Variants in MAF observed in about 807,000 individuals in gnomAD.
MAF encodes the protein MAF bZIP transcription factor, also known as transcription factor Maf.
MAF carries 10 observed loss-of-function variants against 22.0 expected under a neutral mutation model. The ratio of observed to expected loss-of-function variants is 0.45; its 90% confidence interval spans 0.28 to 0.77. The LOEUF (loss-of-function observed/expected upper bound fraction) is 0.77. Ranked by LOEUF, MAF falls within the 30% of genes least tolerant of loss-of-function variation. MAF has a pLI of 0.12. For synonymous variants in MAF, 337 were observed against 255.8 expected (o/e 1.32, Z -3.03); for missense variants, 544 against 548.4 (o/e 0.99, Z 0.08).
At chr16:79,371,340 A>C in the MAF span, among the ~76,000 whole-genome samples, 1 of 152,172 alleles carries the variant, frequency 6.6e-6, no homozygotes, top group Non-Finnish European at 1.5e-5. Flanking sequence ...GCCATATTGT[A>C]CTAGTCAAAG....
chr16:79,210,302 C>A, the MAF span, among the ~76,000 whole-genome samples: 3 of 152,180 alleles, frequency 2.0e-5, no homozygotes, highest in South Asian at 4.1e-4. Flanking sequence ...GTAACACCTT[C>A]CTTGGGACCC....
chr16:79,403,100 A>G, the MAF span, among the ~76,000 whole-genome samples: 11 of 152,274 alleles, frequency 7.2e-5, no homozygotes, highest in South Asian at 1.5e-3. Flanking sequence ...CAGTTCTCTT[A>G]TCTGTGAAAT....
At chr16:79,418,484 G>A in the MAF span, among the ~76,000 whole-genome samples, 92,194 of 151,974 alleles carry the variant, frequency 0.61, 28,798 homozygotes, top group East Asian at 0.89. Flanking sequence ...TGCGCTGGGA[G>A]TTCTTCCGAT....
chr16:79,233,611 G>A, the MAF span, among the ~76,000 whole-genome samples: 1 of 152,074 alleles, frequency 6.6e-6, no homozygotes, highest in Non-Finnish European at 1.5e-5. Context: ...AACCAGCTCT[G>A]TCCCACTGGG....
the MAF span, among the ~76,000 whole-genome samples, chr16:79,526,496 G>T: frequency 2.6e-5 from 4 of 152,156 alleles, no homozygotes; most frequent in Non-Finnish European, 4.4e-5. Context: ...AAAGGTCAGT[G>T]GCTGGGGGTT....
the MAF span, among the ~76,000 whole-genome samples, chr16:79,366,719 T>A: frequency 6.6e-6 from 1 of 152,208 alleles, no homozygotes; most frequent in African/African-American, 2.4e-5. Context: ...GGGTTCTCCA[T>A]CAGTCTGGGT....
the MAF span, among the ~76,000 whole-genome samples, chr16:79,435,598 G>A: frequency 6.6e-6 from 1 of 152,132 alleles, no homozygotes; most frequent in Admixed American, 6.5e-5. Context: ...TCAGGAAGCT[G>A]GAACTGTCTG....
the MAF span, among the ~76,000 whole-genome samples, chr16:79,237,563 C>T: frequency 6.6e-6 from 1 of 152,062 alleles, no homozygotes. Context: ...ACCTCCTGGC[C>T]TTTCAGAGTA....
chr16:79,247,216 G>C, the MAF span, among the ~76,000 whole-genome samples: 30 of 152,324 alleles, frequency 2.0e-4, 1 homozygote, highest in African/African-American at 7.0e-4. Context: ...TCAGAGGCAA[G>C]AATGAGCCTG....
chr16:79,530,015 G>C, the MAF span, among the ~76,000 whole-genome samples: 3 of 152,070 alleles, frequency 2.0e-5, no homozygotes, highest in Non-Finnish European at 4.4e-5. Flanking sequence ...ATGATGCAAG[G>C]TTTGTTTATC....
chr16:79,293,705 A>T, the MAF span, among the ~76,000 whole-genome samples: 1 of 152,182 alleles, frequency 6.6e-6, no homozygotes, highest in Non-Finnish European at 1.5e-5. Flanking sequence ...TTCACCTAGT[A>T]GAAATTGTGC....
chr16:79,513,455 G>A, the MAF span, among the ~76,000 whole-genome samples: 1 of 152,218 alleles, frequency 6.6e-6, no homozygotes, highest in Non-Finnish European at 1.5e-5. Flanking sequence ...TTCCTAAGCT[G>A]CTCCTGGAGC....
chr16:79,269,832 C>A, the MAF span, among the ~76,000 whole-genome samples: 2 of 152,124 alleles, frequency 1.3e-5, no homozygotes, highest in African/African-American at 2.4e-5. Context: ...GACCTACTTT[C>A]TATTTTATAG....
chr16:79,349,353 G>C, the MAF span, among the ~76,000 whole-genome samples: 19 of 152,278 alleles, frequency 1.2e-4, no homozygotes, highest in South Asian at 3.5e-3. Context: ...AAAGAACCCC[G>C]ATCTCCTTTC....
the MAF span, among the ~76,000 whole-genome samples, chr16:79,542,724 G>T: frequency 0.08 from 12,193 of 152,186 alleles, 568 homozygotes; most frequent in South Asian, 0.14. Context: ...ACTGGGAGGG[G>T]TTAGCTTCCT....
the MAF span, chr16:79,204,542 T>G: frequency 6.6e-6 from 1 of 152,060 alleles, no homozygotes; most frequent in East Asian, 1.9e-4. Context: ...CTATCACAGA[T>G]CCTTTGGAAC....
the MAF span, among the ~76,000 whole-genome samples, chr16:79,371,366 C>A: frequency 2.7e-4 from 41 of 152,126 alleles, no homozygotes; most frequent in Non-Finnish European, 3.5e-4. Flanking sequence ...ACAGAGCCTC[C>A]CAGATTCAAG....
At chr16:79,457,494 T>C in the MAF span, among the ~76,000 whole-genome samples, 1 of 151,874 alleles carries the variant, frequency 6.6e-6, no homozygotes, top group African/African-American at 2.4e-5. Context: ...CTGAAAAATG[T>C]CAGTATTTTT....
chr16:79,237,520 T>G, the MAF span, among the ~76,000 whole-genome samples: 2 of 152,062 alleles, frequency 1.3e-5, no homozygotes, highest in Non-Finnish European at 2.9e-5. Context: ...TTCCCATGGT[T>G]CTTCTGGCAT....
Sources: gnomAD v4.1 joint callset for allele counts (sites outside exome capture counted in the v4.1 genomes callset) on GRCh38, gnomAD v4.1.1 for gene constraint, MANE v1.5 for transcripts, NCBI Gene and HGNC (gene_info 2026-07-23, HGNC 2026-07-21) for gene names.